LUZP2: variants seen among roughly 807,000 people sequenced by gnomAD.
LUZP2 encodes the protein leucine zipper protein 2.
Under a neutral mutation model 51.6 loss-of-function variants are expected in LUZP2, and 52 were observed. The ratio of observed to expected loss-of-function variants is 1.01; its 90% CI spans 0.81 to 1.27. The LOEUF (loss-of-function observed/expected upper bound fraction) is 1.27, where lower values mean the gene tolerates loss of function less well. Among genes scored for constraint, LUZP2 ranks in the 50% most tolerant of loss-of-function variants. LUZP2 has a pLI of 0.00. For synonymous variants in LUZP2, 154 were observed against 137.3 expected (o/e 1.12, Z -0.85); for missense variants, 436 against 395.4 (o/e 1.10, Z -0.87).
At chr11:24,964,736 G>A (rs1855532079) in intron 7 of LUZP2, among the ~76,000 whole-genome samples, 1 of 151,878 alleles carries the variant, frequency 6.6e-6, no homozygotes, top group African/African-American at 2.4e-5. Context: ...TTGTCCTTAT[G>A]AAATCAATAA....
chr11:24,655,763 T>C (rs1381295072), intron 1 of LUZP2, among the ~76,000 whole-genome samples: 5 of 152,192 alleles, frequency 3.3e-5, no homozygotes, highest in Admixed American at 6.5e-5. Context: ...ATCTAAGTGA[T>C]ATTTTCATCC....
intron 8 of LUZP2, among the ~76,000 whole-genome samples, chr11:24,979,391 G>C (rs1403494258): frequency 6.6e-6 from 1 of 151,660 alleles, no homozygotes; most frequent in African/African-American, 2.4e-5. Flanking sequence ...CTTCAAAATG[G>C]ATAAAAACTA....
intron 9 of LUZP2, among the ~76,000 whole-genome samples, chr11:25,018,765 G>C (rs1286261312): frequency 1.3e-5 from 2 of 151,806 alleles, no homozygotes; most frequent in African/African-American, 4.8e-5. Flanking sequence ...ATGCCACCAT[G>C]CCTGGCTAAG....
chr11:24,875,146 C>T (rs1852204700), intron 5 of LUZP2, among the ~76,000 whole-genome samples: 2 of 151,516 alleles, frequency 1.3e-5, no homozygotes, highest in East Asian at 2.0e-4. Context: ...TACATGTGCA[C>T]AATGTGCAGG....
chr11:24,505,556 T>A (rs1448037566), intron 1 of LUZP2, among the ~76,000 whole-genome samples: 1 of 152,062 alleles, frequency 6.6e-6, no homozygotes, highest in Non-Finnish European at 1.5e-5. Context: ...TAATTAAAAT[T>A]TTACCCTACC....
Position 24,983,183 on chromosome 11 carries a change from C to G in LUZP2, c.655C>G (p.Arg219Gly). 1 of 1,612,200 alleles carries G rather than the reference C, an allele frequency of 6.2e-7. No homozygotes were observed. Among genetic ancestry groups the G allele is most frequent in the African/African-American group, 1.3e-5 (1 of 74,828 alleles). Residue 219 changes from arginine (R) to glycine (G), a missense_variant, in exon 9 of 12, where the codon CGT (arginine) becomes GGT (glycine). Arg to Gly is a moderately radical substitution (Grantham distance 125, BLOSUM62 -2). Coordinates refer to ENST00000336930, the MANE Select transcript of LUZP2 (RefSeq NM_001009909.4). Reference protein sequence around the residue: ...TVQLCLTSVFRDQPPPPLSLI... With the variant: ...TVQLCLTSVFGDQPPPPLSLI... Reference sequence around the variant, plus strand: ...GCAGCTCTGCTTGACATCTGTTTTCCGTGATCAGCCTCCTCCCCCTTTGAG... The same window carrying G: ...GCAGCTCTGCTTGACATCTGTTTTCGGTGATCAGCCTCCTCCCCCTTTGAG...
chr11:24,839,341 CA>C (rs1188576761), intron 5 of LUZP2, among the ~76,000 whole-genome samples: 1 of 151,526 alleles, frequency 6.6e-6, no homozygotes, highest in Non-Finnish European at 1.5e-5. Flanking sequence ...AGGTCCATGC[CA>C]ATGGTTAAAT....
intron 1 of LUZP2, among the ~76,000 whole-genome samples, chr11:24,546,113 A>ATTT (rs1851532630): frequency 6.6e-6 from 1 of 151,918 alleles, no homozygotes; most frequent in Non-Finnish European, 1.5e-5. Flanking sequence ...GAATGTTATG[A>ATTT]TTTTTGTACA....
chr11:24,630,469 T>C (rs753263042), intron 1 of LUZP2, among the ~76,000 whole-genome samples: 5 of 152,088 alleles, frequency 3.3e-5, no homozygotes, highest in Non-Finnish European at 7.4e-5. Flanking sequence ...TGTATGTTCT[T>C]GTGGACCTTG....
intron 1 of LUZP2, among the ~76,000 whole-genome samples, chr11:24,565,590 A>G (rs7951586): frequency 0.4 from 61,348 of 151,994 alleles, 12,847 homozygotes; most frequent in Middle Eastern, 0.49. Context: ...AATAAAATCT[A>G]GCTTTACTGA....
At chr11:24,859,864 C>T (rs1044894517) in intron 5 of LUZP2, among the ~76,000 whole-genome samples, 1 of 152,196 alleles carries the variant, frequency 6.6e-6, no homozygotes, top group African/African-American at 2.4e-5. Flanking sequence ...CACTTGTGAA[C>T]CCAAGCCACT....
chr11:24,871,546 G>A (rs949211359), intron 5 of LUZP2, among the ~76,000 whole-genome samples: 2 of 152,022 alleles, frequency 1.3e-5, no homozygotes, highest in Non-Finnish European at 2.9e-5. Context: ...CAGGGACCCT[G>A]AGTTCTAGTA....
At chr11:24,879,517 T>A (rs1852385332) in intron 5 of LUZP2, among the ~76,000 whole-genome samples, 1 of 152,162 alleles carries the variant, frequency 6.6e-6, no homozygotes, top group Non-Finnish European at 1.5e-5. Context: ...ATAGTTGAAC[T>A]AATTTACATT....
intron 1 of LUZP2, among the ~76,000 whole-genome samples, chr11:24,668,146 A>G (rs1856278206): frequency 6.6e-6 from 1 of 152,218 alleles, no homozygotes; most frequent in African/African-American, 2.4e-5. Context: ...AGTGCATATG[A>G]AAGTTTGATT....
intron 1 of LUZP2, among the ~76,000 whole-genome samples, chr11:24,502,989 T>C (rs923851577): frequency 1.3e-5 from 2 of 152,206 alleles, no homozygotes; most frequent in African/African-American, 4.8e-5. Context: ...AAGGTACAAA[T>C]GTTTAGAAAA....
intron 1 of LUZP2, among the ~76,000 whole-genome samples, chr11:24,684,687 C>A (rs1271829051): frequency 4.6e-5 from 7 of 152,208 alleles, no homozygotes; most frequent in African/African-American, 1.7e-4. Flanking sequence ...GAAGTGCCTG[C>A]TTTGCCAGCC....
At chr11:25,007,150 A>T (rs1053771342) in intron 9 of LUZP2, among the ~76,000 whole-genome samples, 1 of 152,156 alleles carries the variant, frequency 6.6e-6, no homozygotes, top group African/African-American at 2.4e-5. Flanking sequence ...CAGAGCACTG[A>T]TTGGTGCATT....
intron 7 of LUZP2, among the ~76,000 whole-genome samples, chr11:24,917,374 AT>A (rs1459776237): frequency 1.3e-5 from 2 of 152,040 alleles, no homozygotes; most frequent in Non-Finnish European, 2.9e-5. Flanking sequence ...TTTTGTTGCC[AT>A]TGCTTTTGGT....
chr11:24,834,618 T>A (rs2631485), intron 5 of LUZP2, among the ~76,000 whole-genome samples: 3 of 152,118 alleles, frequency 2.0e-5, no homozygotes, highest in African/African-American at 7.2e-5. Flanking sequence ...CCAGCAATGG[T>A]ATTGCTGGGT....
Sources: gnomAD v4.1 joint callset for allele counts (sites outside exome capture counted in the v4.1 genomes callset) on GRCh38, gnomAD v4.1.1 for gene constraint, MANE v1.5 for transcripts, NCBI Gene and HGNC (gene_info 2026-07-23, HGNC 2026-07-21) for gene names.